The following DPP6 variants were observed in gnomAD, a reference collection of about 807,000 sequenced individuals.
The protein encoded by DPP6 is dipeptidyl peptidase like 6, also known as A-type potassium channel modulatory protein DPP6.
DPP6 carries 69 observed loss-of-function variants against 122.6 expected under a neutral mutation model. The ratio of observed to expected loss-of-function variants is 0.56; its 90% CI spans 0.46 to 0.69. The LOEUF (loss-of-function observed/expected upper bound fraction) is 0.69, where lower values mean the gene tolerates loss of function less well. Ranked by LOEUF, DPP6 falls within the 30% of genes least tolerant of loss-of-function variation. DPP6 has a pLI of 0.00. For missense variants in DPP6, 928 were observed against 1,116.9 expected (o/e 0.83, Z 2.41); for synonymous variants, 418 against 433.1 (o/e 0.97, Z 0.43).
intron 5 of DPP6, among the ~76,000 whole-genome samples, chr7:154,573,709 T>A (rs1831275699): frequency 6.6e-6 from 1 of 152,250 alleles, no homozygotes; most frequent in Non-Finnish European, 1.5e-5. Context: ...TGGTCATCAC[T>A]GATTTTTGAA....
At chr7:154,857,553 C>G (rs576566493) in intron 17 of DPP6, among the ~76,000 whole-genome samples, 2 of 152,180 alleles carry the variant, frequency 1.3e-5, no homozygotes, top group Non-Finnish European at 2.9e-5. Flanking sequence ...TGTCCTCTTG[C>G]AGCACTTCAC....
chr7:154,140,700 CATG>C (rs1446622267), intron 1 of DPP6, among the ~76,000 whole-genome samples: 3 of 152,188 alleles, frequency 2.0e-5, no homozygotes, highest in Non-Finnish European at 4.4e-5. Flanking sequence ...ATATACCTAA[CATG>C]ATCTAAATCC....
chr7:153,832,047 T>G, the DPP6 span, among the ~76,000 whole-genome samples: 1 of 152,158 alleles, frequency 6.6e-6, no homozygotes, highest in Non-Finnish European at 1.5e-5. Context: ...AGGCTACAGG[T>G]GACAGGTGCA....
chr7:154,559,739 A>G (rs1030110480), intron 4 of DPP6, among the ~76,000 whole-genome samples: 107 of 152,038 alleles, frequency 7.0e-4, no homozygotes, highest in African/African-American at 2.4e-3. Context: ...ACAGTTCTAC[A>G]CACCACAGAA....
Position 154,481,114 on chromosome 7 carries a change from G to A in DPP6, c.457+6077G>A, listed in dbSNP as rs1823235322. The stretch of plus-strand genomic sequence containing the variant: ...CCGAGGCTCTACTCCGGCACCTCAG[G>A]TACTAGCTCAGGTGCAAGGAGAAGG... On this transcript the variant is annotated intron_variant, in intron 3 of 25. Transcript: ENST00000377770. The surrounding 1 kb of genome is among the most constrained non-coding windows in gnomAD (Gnocchi z 4.2). 6.6e-6 allele frequency among the ~76,000 whole-genome samples: 1 copy of A among 152,082 alleles called. No individual in the cohort carries two copies. Among genetic ancestry groups the A allele is most frequent in the Non-Finnish European group, 1.5e-5 (1 of 68,018 alleles).
At chr7:154,871,783 T>C (rs546351513) in intron 18 of DPP6, among the ~76,000 whole-genome samples, 1 of 152,340 alleles carries the variant, frequency 6.6e-6, no homozygotes, top group Non-Finnish European at 1.5e-5. Flanking sequence ...TGTGTAGTAA[T>C]TGTATTGAAA....
At chr7:154,545,766 A>C (rs1344781231) in intron 4 of DPP6, among the ~76,000 whole-genome samples, 3 of 152,160 alleles carry the variant, frequency 2.0e-5, no homozygotes, top group Non-Finnish European at 4.4e-5. Flanking sequence ...GAAACTAAGA[A>C]TTTCTAAGAA....
At chr7:153,830,593 C>T in the DPP6 span, among the ~76,000 whole-genome samples, 1 of 152,176 alleles carries the variant, frequency 6.6e-6, no homozygotes, top group African/African-American at 2.4e-5. Context: ...TGGACAGGAG[C>T]TCTCTTTTCT....
intron 4 of DPP6, among the ~76,000 whole-genome samples, chr7:154,556,350 C>G (rs1486519182): frequency 6.6e-6 from 1 of 152,134 alleles, no homozygotes; most frequent in Non-Finnish European, 1.5e-5. Flanking sequence ...TTAAAACTAT[C>G]AAATTTTGCA....
chr7:154,853,663 G>A, intron 16 of DPP6, 117 bp from the exon 17 acceptor site: 1 of 1,423,212 alleles, frequency 7.0e-7, no homozygotes, highest in South Asian at 1.4e-5. Flanking sequence ...ATGAATTCGG[G>A]TTCTCCAGGC....
chr7:153,871,526 C>G, the DPP6 span, among the ~76,000 whole-genome samples: 4 of 152,190 alleles, frequency 2.6e-5, no homozygotes, highest in African/African-American at 9.6e-5. Context: ...GTGGGAGTGA[C>G]CCAATTTTCC....
intron 1 of DPP6, among the ~76,000 whole-genome samples, chr7:154,210,638 G>A (rs938580599): frequency 1.1e-4 from 16 of 152,054 alleles, no homozygotes; most frequent in Admixed American, 5.2e-4. Flanking sequence ...ACAGAAATTC[G>A]TTAATGAAGT....
rs116551166 is a variant in DPP6, at chr7:154,195,326, G to A, written c.243+142263G>A. 5.1e-3 allele frequency among the ~76,000 whole-genome samples: 770 copies of A among 152,258 alleles called. 7 individuals carry two copies. Among genetic ancestry groups the A allele is most frequent in the African/African-American group, 0.018 (743 of 41,536 alleles). On this transcript the variant is annotated intron_variant, in intron 1 of 25. Transcript: ENST00000377770. Reference sequence around the variant, plus strand: ...CTTCCAACCTGCATTAGGAATGGACGGTTACAAGGGCCGCTCCAGGAGCCC... The same window carrying A: ...CTTCCAACCTGCATTAGGAATGGACAGTTACAAGGGCCGCTCCAGGAGCCC...
At chr7:154,807,197 C>T (rs1321800840) in intron 16 of DPP6, 85 bp downstream of exon 16, 23 of 1,522,500 alleles carry the variant, frequency 1.5e-5, no homozygotes, top group African/African-American at 1.1e-4. Context: ...AGGGAGGGGG[C>T]AGCGGCTGTG....
chr7:154,655,988 C>T (rs995153751), intron 6 of DPP6, among the ~76,000 whole-genome samples: 14 of 151,912 alleles, frequency 9.2e-5, no homozygotes, highest in African/African-American at 3.4e-4. Flanking sequence ...CCACAAACTG[C>T]GTGGCTTAAA....
intron 1 of DPP6, among the ~76,000 whole-genome samples, chr7:154,021,414 G>C (rs1798694257): frequency 6.6e-6 from 1 of 152,172 alleles, no homozygotes; most frequent in South Asian, 2.1e-4. Flanking sequence ...GCTCCTCCCA[G>C]AGTGCTGTAG....
chr7:154,198,509 T>C (rs1239179584), intron 1 of DPP6, among the ~76,000 whole-genome samples: 1 of 152,038 alleles, frequency 6.6e-6, no homozygotes, highest in African/African-American at 2.4e-5. Flanking sequence ...AGATGGAGTT[T>C]CACCATGTTG....
chr7:154,808,579 T>G (rs887710821), intron 16 of DPP6, among the ~76,000 whole-genome samples: 1 of 152,098 alleles, frequency 6.6e-6, no homozygotes, highest in Non-Finnish European at 1.5e-5. Flanking sequence ...AGCCAGAAGT[T>G]GAGTGGATTC....
intron 1 of DPP6, among the ~76,000 whole-genome samples, chr7:154,125,418 C>T (rs1427788134): frequency 1.3e-5 from 2 of 151,978 alleles, no homozygotes; most frequent in East Asian, 1.9e-4. Context: ...AAAAAGTAGT[C>T]GCATTAGAGA....
Sources: allele counts gnomAD v4.1 joint callset (sites outside exome capture counted in the v4.1 genomes callset), GRCh38; gene constraint gnomAD v4.1.1; non-coding constraint Gnocchi (gnomAD v3.1); transcripts MANE v1.5; gene names NCBI Gene and HGNC (gene_info 2026-07-23, HGNC 2026-07-21).